Variants in RBFOX1 observed in about 807,000 individuals in gnomAD.
RBFOX1 encodes the protein RNA binding fox-1 homolog 1.
RBFOX1 carries 8 observed loss-of-function variants against 57.7 expected under a neutral mutation model. That is an observed-to-expected ratio of 0.14 (90% confidence interval 0.08 to 0.25). RBFOX1 has a LOEUF of 0.25. RBFOX1 is among the 10% of genes least tolerant of loss of function. The probability of loss-of-function intolerance (pLI) is 1.00; values close to 1 mark genes in which losing one functional copy is unlikely to be tolerated. For synonymous variants in RBFOX1, 326 were observed against 222.4 expected (o/e 1.47, Z -4.15); for missense variants, 611 against 548.5 (o/e 1.11, Z -1.14).
chr16:7,062,743 C>T (rs1167591093), intron 4 of RBFOX1, among the ~76,000 whole-genome samples: 2 of 152,030 alleles, frequency 1.3e-5, no homozygotes, highest in Non-Finnish European at 2.9e-5. Flanking sequence ...GGAGTTCATT[C>T]ATTTCGGTAG....
At chr16:7,461,690 C>T (rs2059612360) in intron 4 of RBFOX1, among the ~76,000 whole-genome samples, 1 of 152,176 alleles carries the variant, frequency 6.6e-6, no homozygotes, top group Non-Finnish European at 1.5e-5. Context: ...GCAAATATTA[C>T]TGGAAGATGA....
rs78275809 is a variant in RBFOX1, at chr16:5,356,323, C to T, written c.220-110893C>T. ...ACTTCTAGGCTACAGAACTGTGAGC[C>T]GATACATTTCTGTTGTTTTAAGTCA... On this transcript the variant is annotated intron_variant, in intron 1 of 2. Transcript: ENST00000585867. Among the ~76,000 whole-genome samples, 447 of 152,242 alleles carry T rather than the reference C, an allele frequency of 2.9e-3. 2 individuals carry two copies. Among genetic ancestry groups the T allele is most frequent in the African/African-American group, 0.01 (434 of 41,534 alleles).
At chr16:7,331,599 C>A (rs2096696725) in intron 4 of RBFOX1, among the ~76,000 whole-genome samples, 1 of 152,072 alleles carries the variant, frequency 6.6e-6, no homozygotes, top group East Asian at 1.9e-4. Flanking sequence ...ATAAAAGTGG[C>A]TAATAGCTGC....
intron 2 of RBFOX1, among the ~76,000 whole-genome samples, chr16:6,319,616 C>G (rs190953879): frequency 1.2e-3 from 177 of 152,296 alleles, no homozygotes; most frequent in African/African-American, 4.0e-3. Context: ...AAAGCTTTCA[C>G]TTCTACTTTG....
At chr16:5,682,183 G>T (rs1275873001) in intron 3 of RBFOX1, among the ~76,000 whole-genome samples, 1 of 152,168 alleles carries the variant, frequency 6.6e-6, no homozygotes, top group African/African-American at 2.4e-5. Flanking sequence ...GCTCCTGCTG[G>T]CTTTGTTACA....
Position 5,769,546 on chromosome 16 carries a change from G to C in RBFOX1, c.319-97757G>C, listed in dbSNP as rs533703378. Among the ~76,000 whole-genome samples the C allele has an allele frequency of 2.0e-5, 3 of 152,106 alleles. No homozygotes were observed. In the South Asian group the frequency reaches 6.2e-4, roughly 32 times the overall value. On this transcript the variant is annotated intron_variant, in intron 3 of 19. Transcript: ENST00000641259. ...CAGGCACCTGTAATCCCATCTACTT[G>C]GGAGGCTGAGGCAAGAGAATTGCTT...
At chr16:5,610,616 G>GAGGTC (rs2047745371) in intron 3 of RBFOX1, 1 of 152,060 alleles carries the variant, frequency 6.6e-6, no homozygotes, top group African/African-American at 2.4e-5. Context: ...GTTGAGGCAG[G>GAGGTC]AGGTCAGTTC....
At chr16:5,341,619 G>T (rs915394830) in intron 1 of RBFOX1, among the ~76,000 whole-genome samples, 1 of 152,096 alleles carries the variant, frequency 6.6e-6, no homozygotes, top group African/African-American at 2.4e-5. Flanking sequence ...TGTTTAGTAG[G>T]GTCCTAAGCT....
At position 6,874,722 on chromosome 16, in the gene RBFOX1, C is replaced by G. The variant is rs1035026475; in HGVS notation, c.-15-177335C>G. ...TTCTCGCTTATAAGTGGGAGCTAAG[C>G]TATAAGGACACAAAAGCATAAAAAA... On this transcript the variant is annotated intron_variant, in intron 3 of 15. Coordinates refer to ENST00000550418, the MANE Select transcript of RBFOX1 (RefSeq NM_018723.4). Among the ~76,000 whole-genome samples the G allele has an allele frequency of 1.1e-4, 17 of 151,708 alleles. No individual in the cohort carries two copies. The South Asian group carries it at 3.1e-3, about 28-fold the overall frequency.
At chr16:5,529,352 C>T (rs1322102821) in intron 2 of RBFOX1, among the ~76,000 whole-genome samples, 1 of 150,556 alleles carries the variant, frequency 6.6e-6, no homozygotes, top group Admixed American at 6.6e-5. Context: ...TGATGTCATA[C>T]TGGAGGAGGT....
intron 7 of RBFOX1, among the ~76,000 whole-genome samples, chr16:7,592,003 G>A (rs997386235): frequency 6.6e-6 from 1 of 152,044 alleles, no homozygotes; most frequent in Non-Finnish European, 1.5e-5. Flanking sequence ...ACCCTCAGGT[G>A]AGAATTTTGA....
chr16:7,000,706 G>C (rs1311117499), intron 3 of RBFOX1, among the ~76,000 whole-genome samples: 1 of 142,854 alleles, frequency 7.0e-6, no homozygotes, highest in African/African-American at 2.6e-5. Context: ...CCGGGTTCAT[G>C]CCATTCTCCT....
Position 5,888,736 on chromosome 16 carries a change from C to A in RBFOX1, c.351+21401C>A, listed in dbSNP as rs377521118. 6.1e-4 allele frequency among the ~76,000 whole-genome samples: 83 copies of A among 136,952 alleles called. No individual in the cohort carries two copies. In the Admixed American group the frequency reaches 6.2e-3, roughly 10 times the overall value. The allele number at this position is 136,952 out of a possible 152,430, so 89.8% of individuals were successfully genotyped here. On this transcript the variant is annotated intron_variant, in intron 4 of 19. Transcript: ENST00000641259. ...GCTTGAATCCGGGAGGTGGAGGTTG[C>A]GGTGAGGTTGCGATCGTGCCACTGC... is the stretch of plus-strand genomic sequence containing the variant.
intron 4 of RBFOX1, among the ~76,000 whole-genome samples, chr16:5,875,846 C>CTTTT (rs753084238): frequency 2.1e-5 from 3 of 141,400 alleles, no homozygotes; most frequent in Admixed American, 7.1e-5. Flanking sequence ...AAGAATCCCA[C>CTTTT]TTTTTTTTTT....
chr16:5,992,283 G>C (rs1200789438), intron 4 of RBFOX1, among the ~76,000 whole-genome samples: 1 of 152,146 alleles, frequency 6.6e-6, no homozygotes, highest in Non-Finnish European at 1.5e-5. Flanking sequence ...AGCTGCAGTG[G>C]GATTGCAATA....
At chr16:5,591,252 C>G (rs1003507703) in intron 2 of RBFOX1, among the ~76,000 whole-genome samples, 1 of 141,552 alleles carries the variant, frequency 7.1e-6, no homozygotes, top group Non-Finnish European at 1.5e-5. Flanking sequence ...CAAAATGAAC[C>G]TTTTTTTTTT....
At chr16:7,023,822 T>C (rs1196357844) in intron 3 of RBFOX1, among the ~76,000 whole-genome samples, 1 of 152,070 alleles carries the variant, frequency 6.6e-6, no homozygotes, top group East Asian at 1.9e-4. Flanking sequence ...GGCTGCCATT[T>C]TTAATCACCC....
At chr16:5,806,049 A>G (rs1204177725) in intron 3 of RBFOX1, among the ~76,000 whole-genome samples, 1 of 152,168 alleles carries the variant, frequency 6.6e-6, no homozygotes, top group Non-Finnish European at 1.5e-5. Flanking sequence ...GTGAGGAAAC[A>G]GCTGGCATTA....
At chr16:6,554,666 C>G (rs1043017067) in intron 2 of RBFOX1, among the ~76,000 whole-genome samples, 3 of 152,030 alleles carry the variant, frequency 2.0e-5, no homozygotes, top group African/African-American at 2.4e-5. Flanking sequence ...GCAGACTTGT[C>G]CATCAGTCAC....
Sources: gnomAD v4.1 joint callset for allele counts (sites outside exome capture counted in the v4.1 genomes callset) on GRCh38, gnomAD v4.1.1 for gene constraint, MANE v1.5 for transcripts, NCBI Gene and HGNC (gene_info 2026-07-23, HGNC 2026-07-21) for gene names.